The following GLYATL1 variants were observed in gnomAD, a reference collection of about 807,000 sequenced individuals.
GLYATL1 encodes the protein glycine N-acyltransferase-like protein 1.
GLYATL1 carries 15 observed loss-of-function variants against 20.0 expected under a neutral mutation model. The observed-to-expected ratio is 0.75, with a 90% CI of 0.50 to 1.15. GLYATL1 has a LOEUF of 1.15. GLYATL1 is among the 50% of genes most tolerant of loss of function. The pLI, the probability that GLYATL1 is intolerant of heterozygous loss-of-function variation, is 0.00. For synonymous variants in GLYATL1, 151 were observed against 131.5 expected, an observed-to-expected ratio of 1.15 and a Z score of -1.01; for missense variants, 380 against 368.5, an observed-to-expected ratio of 1.03 and a Z score of -0.26.
intron 4 of GLYATL1, among the ~76,000 whole-genome samples, chr11:58,949,588 A>G (rs1228210939): frequency 1.3e-5 from 2 of 152,198 alleles, no homozygotes; most frequent in Non-Finnish European, 2.9e-5. Flanking sequence ...CCATACCTTC[A>G]TGTATGCATT....
intron 4 of GLYATL1, among the ~76,000 whole-genome samples, chr11:58,949,127 G>C (rs1426456286): frequency 6.6e-6 from 1 of 152,158 alleles, no homozygotes; most frequent in Non-Finnish European, 1.5e-5. Context: ...TACAAACCTA[G>C]GTGTATTTTT....
upstream of GLYATL1, chr11:58,935,753 C>T (rs1338700657): frequency 6.6e-6 from 1 of 151,944 alleles, no homozygotes; most frequent in Non-Finnish European, 1.5e-5. Context: ...ATCAAACACA[C>T]ACATATATAC....
Position 58,955,736 on chromosome 11 carries a change from A to G in GLYATL1, c.618A>G (p.Pro206=). ...HYIKRCIEDL[P]AACMLGPEGV... ...TCAAGCGCTGCATAGAAGACCTGCCAGCAGCCTGTATGCTCGGCCCAGAGG... is the reference window on the plus strand; with the variant it reads ...TCAAGCGCTGCATAGAAGACCTGCCGGCAGCCTGTATGCTCGGCCCAGAGG... Residue 206 remains proline (P), a synonymous_variant, in exon 7 of 7, where the codon CCA becomes CCG. Transcript: ENST00000532726. The G allele has an allele frequency of 6.2e-7, 1 of 1,614,252 alleles. No individual in the cohort carries two copies. Among genetic ancestry groups the G allele is most frequent in the South Asian group, 1.1e-5 (1 of 91,086 alleles).
At chr11:58,953,390 GTT>G (rs377318573) in intron 4 of GLYATL1, among the ~76,000 whole-genome samples, 43 of 110,956 alleles carry the variant, frequency 3.9e-4, no homozygotes, top group Middle Eastern at 5.1e-3. Flanking sequence ...CTTACAGTCT[GTT>G]TTTTTTTTTT....
chr11:58,939,882 G>T (rs1166604806), intron 1 of GLYATL1, among the ~76,000 whole-genome samples: 1 of 152,114 alleles, frequency 6.6e-6, no homozygotes, highest in Non-Finnish European at 1.5e-5. Flanking sequence ...CTCCATTTGA[G>T]AAATTCTGAA....
intron 1 of GLYATL1, among the ~76,000 whole-genome samples, chr11:58,922,190 A>G (rs535056997): frequency 6.8e-4 from 103 of 152,304 alleles, no homozygotes; most frequent in African/African-American, 2.4e-3. Context: ...CTTCTGGCCA[A>G]TGGAGGGCTG....
At chr11:58,930,714 AC>A (rs1345418597) in intron 1 of GLYATL1, among the ~76,000 whole-genome samples, 1 of 152,236 alleles carries the variant, frequency 6.6e-6, no homozygotes, top group Admixed American at 6.5e-5. Context: ...TGTTGAAGAC[AC>A]AAAAATGTGA....
rs77011287 is a variant in GLYATL1 at position 58,946,376 on chromosome 11, A to G, written c.-42-670A>G. On this transcript the variant is annotated intron_variant, in intron 2 of 6. Transcript: ENST00000532726. ...TAACAAAGAAGTATGAGATGGAACT[A>G]AAATTTGAAATCAGCCTAAGCTTTG... 3.9e-3 allele frequency among the ~76,000 whole-genome samples: 588 copies of G among 152,356 alleles called. 6 individuals carry two copies. Among genetic ancestry groups the G allele is most frequent in the African/African-American group, 0.013 (553 of 41,582 alleles).
exon 2 of GLYATL1, chr11:58,908,004 TCTTTTCCTGTTC>T (rs1405146267): frequency 6.5e-6 from 1 of 153,082 alleles, no homozygotes; most frequent in East Asian, 1.9e-4. Context: ...TTCCGATAGT[TCTTTTCCTGTTC>T]CTTTTCAACA....
intron 1 of GLYATL1, among the ~76,000 whole-genome samples, chr11:58,921,284 TGG>T (rs1234673776): frequency 1.3e-5 from 2 of 152,194 alleles, no homozygotes; most frequent in African/African-American, 4.8e-5. Context: ...TCACAGTTCT[TGG>T]ATAGTGGCCT....
At chr11:58,909,698 G>T (rs970502020), downstream of GLYATL1, among the ~76,000 whole-genome samples, 6 of 152,160 alleles carry the variant, frequency 3.9e-5, no homozygotes, top group Non-Finnish European at 8.8e-5. Context: ...TAATGTAGTA[G>T]GCAAATAATG....
chr11:58,911,749 G>A (rs1465689423), downstream of GLYATL1, among the ~76,000 whole-genome samples: 1 of 152,120 alleles, frequency 6.6e-6, no homozygotes, highest in African/African-American at 2.4e-5. Context: ...GATATTTGCT[G>A]ATTCTTATCT....
rs1245307448 is a variant in GLYATL1, at chr11:58,933,025, A to G, written c.-212+5196A>G. ...TCATAGTTTTTTAAAAACACAGTGT[A>G]TAAGAGGTAAAGGAAGAACCTGAGA... On this transcript the variant is annotated intron_variant, in intron 1 of 7. Transcript: ENST00000317391. Among the ~76,000 whole-genome samples the G allele has an allele frequency of 3.9e-5, 6 of 152,206 alleles. No individual in the cohort carries two copies. In the East Asian group the frequency reaches 7.7e-4, roughly 20 times the overall value.
At chr11:58,925,114 A>G (rs1385208212), upstream of GLYATL1, among the ~76,000 whole-genome samples, 1 of 152,144 alleles carries the variant, frequency 6.6e-6, no homozygotes, top group Admixed American at 6.5e-5. Flanking sequence ...ATGAGGATAC[A>G]GTCTCCAGGC....
chr11:58,921,817 G>A (rs1234559992), intron 1 of GLYATL1, among the ~76,000 whole-genome samples: 1 of 152,160 alleles, frequency 6.6e-6, no homozygotes, highest in Non-Finnish European at 1.5e-5. Context: ...TAGCATTCAT[G>A]CCTGCAAAGC....
chr11:58,916,899 G>A (rs1855187303), intron 1 of GLYATL1: 1 of 152,222 alleles, frequency 6.6e-6, no homozygotes, highest in African/African-American at 2.4e-5. Context: ...AATTTTCTGG[G>A]TTTTAAATAT....
At chr11:58,943,452 T>C in intron 1 of GLYATL1, 91 bp from the exon 2 acceptor site, 5 of 1,530,974 alleles carry the variant, frequency 3.3e-6, no homozygotes, top group Non-Finnish European at 4.4e-6. Flanking sequence ...GTGAATCTGC[T>C]GTGATTTTGT....
chr11:58,954,983 T>G, intron 5 of GLYATL1, 87 bp downstream of exon 5: 1 of 1,400,268 alleles, frequency 7.1e-7, no homozygotes, highest in East Asian at 2.4e-5. Context: ...GAGGGCTCAT[T>G]AGAAATGTAA....
Sources: allele counts gnomAD v4.1 joint callset (sites outside exome capture counted in the v4.1 genomes callset), GRCh38; gene constraint gnomAD v4.1.1; transcripts MANE v1.5; gene names NCBI Gene and HGNC (gene_info 2026-07-23, HGNC 2026-07-21).